The following SMYD4 variants were observed in gnomAD, a reference collection of about 807,000 sequenced individuals.
SMYD4 encodes protein-lysine N-methyltransferase SMYD4.
SMYD4 carries 68 observed loss-of-function variants against 72.8 expected under a neutral mutation model. The observed-to-expected ratio is 0.93, with a 90% CI of 0.77 to 1.14. SMYD4 has a LOEUF of 1.14. Among genes scored for constraint, SMYD4 ranks in the 50% most tolerant of loss-of-function variants. The pLI, the probability that SMYD4 is intolerant of heterozygous loss-of-function variation, is 0.00. For synonymous variants in SMYD4, 407 were observed against 388.6 expected, an observed-to-expected ratio of 1.05 and a Z score of -0.56; for missense variants, 984 against 1,003.7, an observed-to-expected ratio of 0.98 and a Z score of 0.27.
intron 2 of SMYD4, among the ~76,000 whole-genome samples, chr17:1,815,502 TTC>T (rs1336451398): frequency 2.5e-3 from 218 of 87,076 alleles, no homozygotes; most frequent in Middle Eastern, 6.6e-3. Flanking sequence ...ATCCAGCCGA[TTC>T]TTTTTTTTTT....
At chr17:1,822,862 C>T (rs747588860) in intron 2 of SMYD4, among the ~76,000 whole-genome samples, 5 of 152,070 alleles carry the variant, frequency 3.3e-5, no homozygotes, top group Non-Finnish European at 7.4e-5. Flanking sequence ...ACAACAAAAA[C>T]CTTACAAGAA....
At chr17:1,788,305 T>C (rs1384315975) in intron 5 of SMYD4, among the ~76,000 whole-genome samples, 1 of 151,926 alleles carries the variant, frequency 6.6e-6, no homozygotes, top group South Asian at 2.1e-4. Flanking sequence ...TGAGCCAGGA[T>C]TGCACCACTG....
intron 4 of SMYD4, among the ~76,000 whole-genome samples, chr17:1,802,280 CAGG>C (rs1909808679): frequency 6.6e-6 from 1 of 151,830 alleles, no homozygotes; most frequent in Non-Finnish European, 1.5e-5. Flanking sequence ...CACTTGAGTC[CAGG>C]AGTTTGAGAC....
intron 3 of SMYD4, among the ~76,000 whole-genome samples, chr17:1,807,964 A>G (rs982272901): frequency 5.2e-4 from 79 of 152,286 alleles, no homozygotes; most frequent in African/African-American, 1.8e-3. Context: ...AAATCGATAT[A>G]ATAATAAAAC....
intron 3 of SMYD4, among the ~76,000 whole-genome samples, chr17:1,805,505 T>C (rs1486639709): frequency 6.6e-6 from 1 of 151,740 alleles, no homozygotes; most frequent in African/African-American, 2.4e-5. Flanking sequence ...AAGATGGTGA[T>C]TACTCAGTAA....
Position 1,783,136 on chromosome 17 carries a change from G to T in SMYD4, c.2160C>A (p.Thr720=), listed in dbSNP as rs755147234. Residue 720 remains threonine (T), a synonymous_variant, in exon 10 of 11, where the codon ACC becomes ACA. Transcript: ENST00000305513. ...AALGDWQKSA[T]HLQRSLYVVE... is the part of the protein sequence containing the mutation. Reference sequence around the variant, plus strand: ...CCACGTAGAGACTCCTCTGTAGATGGGTGGCTGACTTTTGCCAGTCTCCTG... The same window carrying T: ...CCACGTAGAGACTCCTCTGTAGATGTGTGGCTGACTTTTGCCAGTCTCCTG... 6 of 1,614,134 alleles carry T rather than the reference G, an allele frequency of 3.7e-6. No homozygotes were observed. Among genetic ancestry groups the T allele is most frequent in the Non-Finnish European group, 5.1e-6 (6 of 1,180,022 alleles).
intron 7 of SMYD4, among the ~76,000 whole-genome samples, chr17:1,784,796 A>T (rs896608320): frequency 4.0e-5 from 6 of 151,672 alleles, no homozygotes; most frequent in Admixed American, 2.6e-4. Flanking sequence ...TTTGAGATGG[A>T]GTCTCGCTCG....
chr17:1,820,518 G>C lies in SMYD4; in HGVS notation c.134+7343C>G, dbSNP rs570629035. ...GCCTCCCAAAGTGTTGGGATTACAG[G>C]TGTGAATGGGGTCACCATACCTGGC... On this transcript the variant is annotated intron_variant, in intron 2 of 10. Coordinates refer to ENST00000305513, the MANE Select transcript of SMYD4 (RefSeq NM_052928.3). 2.6e-5 allele frequency among the ~76,000 whole-genome samples: 4 copies of C among 152,310 alleles called. No individual in the cohort carries two copies. The South Asian group carries it at 8.3e-4, about 32-fold the overall frequency.
At chr17:1,804,454 G>T in intron 4 of SMYD4, 172 bp downstream of exon 4, 1 of 545,366 alleles carries the variant, frequency 1.8e-6, no homozygotes, top group Non-Finnish European at 3.3e-6. Context: ...TGAGATTACA[G>T]GCAATGAGCG....
chr17:1,779,974 C>T lies in SMYD4; in HGVS notation c.*1312G>A, dbSNP rs1908284371. 1 of 152,662 alleles carries T rather than the reference C, an allele frequency of 6.6e-6. No individual in the cohort carries two copies. The highest frequency in any genetic ancestry group is 1.5e-5 in the Non-Finnish European group (1 of 68,062). The allele number at this position is 152,662 out of a possible 1,614,324, so 9.5% of individuals were successfully genotyped here. A position where few individuals can be genotyped will look rare whatever the true frequency, so the allele number is the denominator to read the frequency against. Reference sequence around the variant, plus strand: ...GAATCCAGCCAAAACCCCAGGCTAACATCCAGATGCCTGCAGATCAGCTAA... The same window carrying T: ...GAATCCAGCCAAAACCCCAGGCTAATATCCAGATGCCTGCAGATCAGCTAA... On this transcript the variant is annotated 3_prime_UTR_variant, in exon 11 of 11. Transcript: ENST00000305513.
Position 1,781,560 on chromosome 17 carries a change from T to C in SMYD4, c.2262-121A>G. ...TTCTGTCATCAAGGATCCTACAATCTAGAACAGTAAGTAAGACACTGTCAC... is the reference window on the plus strand; with the variant it reads ...TTCTGTCATCAAGGATCCTACAATCCAGAACAGTAAGTAAGACACTGTCAC... On this transcript the variant is annotated intron_variant, in intron 10 of 10. Transcript: ENST00000305513. 5.0e-6 allele frequency: 6 copies of C among 1,190,148 alleles called. No homozygotes were observed. The South Asian group carries it at 8.0e-5, about 16-fold the overall frequency. 73.7% of individuals were successfully genotyped at this position (1,190,148 alleles called of 1,614,324 possible).
At chr17:1,820,824 G>A (rs1262645909) in intron 2 of SMYD4, among the ~76,000 whole-genome samples, 1 of 152,194 alleles carries the variant, frequency 6.6e-6, no homozygotes, top group East Asian at 1.9e-4. Context: ...CTATTGGCAA[G>A]AAAGAAAAGT....
At chr17:1,827,673 C>T (rs1033636227) in intron 2 of SMYD4, among the ~76,000 whole-genome samples, 188 bp downstream of exon 2, 11 of 152,044 alleles carry the variant, frequency 7.2e-5, no homozygotes, top group African/African-American at 2.4e-4. Flanking sequence ...TGGTGGCTCA[C>T]GCCTGTACTC....
intron 5 of SMYD4, among the ~76,000 whole-genome samples, chr17:1,795,858 G>T (rs1909382354): frequency 6.7e-6 from 1 of 148,846 alleles, no homozygotes; most frequent in Non-Finnish European, 1.5e-5. Context: ...TGTTTTTAAT[G>T]TTAAAAAATC....
chr17:1,784,244 C>G, intron 8 of SMYD4, 82 bp downstream of exon 8: 1 of 1,588,958 alleles, frequency 6.3e-7, no homozygotes, highest in Non-Finnish European at 8.6e-7. Flanking sequence ...CCCATCAGTA[C>G]TGAGTATCCC....
intron 2 of SMYD4, among the ~76,000 whole-genome samples, chr17:1,812,661 G>A (rs953443609): frequency 7.0e-6 from 1 of 143,040 alleles, no homozygotes; most frequent in African/African-American, 2.6e-5. Flanking sequence ...TGATTCTCCT[G>A]CCTCAGCCTC....
Position 1,800,151 on chromosome 17 carries a change from T to A in SMYD4, c.1243A>T (p.Asn415Tyr). ...TTATAATTATTTTCATACTTCCCAT[T>A]AATATCGCATCCAGGAATTGGGGTC... ...VETPIPGCDI[N>Y]GKYENNYNAV... The change falls in exon 5 of 11, where the codon AAT becomes TAT. Residue 415 changes from asparagine (N) to tyrosine (Y), a missense_variant. Physicochemically the swap from Asn to Tyr is moderately radical, Grantham distance 143 (BLOSUM62 -2). Coordinates refer to ENST00000305513, the MANE Select transcript of SMYD4 (RefSeq NM_052928.3). 1 of 1,610,800 alleles carries A rather than the reference T, an allele frequency of 6.2e-7. No individual in the cohort carries two copies. The highest frequency in any genetic ancestry group is 1.3e-5 in the African/African-American group (1 of 74,878).
intron 2 of SMYD4, among the ~76,000 whole-genome samples, chr17:1,815,299 T>C (rs913769406): frequency 1.3e-5 from 2 of 152,078 alleles, no homozygotes; most frequent in African/African-American, 2.4e-5. Flanking sequence ...CCTAACCTCA[T>C]GATCCACCCG....
At chr17:1,794,055 GTGTATATATATGTGTATATATA>G (rs1567770843) in intron 5 of SMYD4, among the ~76,000 whole-genome samples, 16 of 70,120 alleles carry the variant, frequency 2.3e-4, no homozygotes, top group Non-Finnish European at 3.3e-4. Flanking sequence ...ATATATATGT[GTGTATATATATGTGTATATATA>G]TGTGTATATA....
Sources: allele counts gnomAD v4.1 joint callset (sites outside exome capture counted in the v4.1 genomes callset), GRCh38; gene constraint gnomAD v4.1.1; transcripts MANE v1.5; gene names NCBI Gene and HGNC (gene_info 2026-07-23, HGNC 2026-07-21).